Variants in DNAH5 observed in about 807,000 individuals in gnomAD.
DNAH5 encodes the protein dynein axonemal heavy chain 5.
A neutral mutation model predicts 518.2 loss-of-function variants in DNAH5; 372 were observed. The observed-to-expected ratio is 0.72, with a 90% CI of 0.66 to 0.78. The LOEUF is 0.78. DNAH5 is among the 30% of genes least tolerant of loss of function. The pLI is 0.00. For missense variants in DNAH5, 5,523 were observed against 5,687.0 expected (o/e 0.97, Z 0.93); for synonymous variants, 2,039 against 2,025.9 (o/e 1.01, Z -0.17).
At chr5:14,000,146 G>A (rs895233575) in intron 1 of DNAH5, among the ~76,000 whole-genome samples, 5 of 152,074 alleles carry the variant, frequency 3.3e-5, no homozygotes, top group African/African-American at 4.8e-5. Flanking sequence ...GTTAAGATGA[G>A]GTCACTAGGG....
intron 30 of DNAH5, among the ~76,000 whole-genome samples, chr5:13,859,066 T>C (rs972022928): frequency 7.5e-5 from 11 of 146,686 alleles, no homozygotes; most frequent in African/African-American, 2.5e-4. Context: ...TTGTATAGTA[T>C]GCATTACTTT....
intron 1 of DNAH5, among the ~76,000 whole-genome samples, chr5:13,967,549 A>C (rs1316344304): frequency 2.0e-5 from 3 of 152,280 alleles, no homozygotes; most frequent in Non-Finnish European, 4.4e-5. Flanking sequence ...CTATTTTTAC[A>C]CCAGTACCAT....
At chr5:13,988,995 G>A (rs1266437122) in intron 1 of DNAH5, among the ~76,000 whole-genome samples, 1 of 152,040 alleles carries the variant, frequency 6.6e-6, no homozygotes, top group Non-Finnish European at 1.5e-5. Flanking sequence ...CCAAAATGCT[G>A]GGATTACAGG....
intron 61 of DNAH5, among the ~76,000 whole-genome samples, chr5:13,754,907 C>A (rs1048723494): frequency 2.0e-5 from 3 of 151,704 alleles, no homozygotes; most frequent in African/African-American, 7.3e-5. Context: ...TGGAAGGCTG[C>A]GAGGTGGGCG....
intron 22 of DNAH5, among the ~76,000 whole-genome samples, chr5:13,873,477 C>T (rs1003210296): frequency 5.3e-5 from 8 of 151,850 alleles, no homozygotes; most frequent in African/African-American, 1.5e-4. Flanking sequence ...CAAAACAGGA[C>T]GATTTTCAGG....
In DNAH5 at chr5:13,856,877, G is replaced by A. The variant is rs550016615; in HGVS notation, c.4950+2575C>T. Among the ~76,000 whole-genome samples the A allele has an allele frequency of 4.2e-4, 64 of 152,090 alleles. 1 individual carries two copies. The highest frequency in any genetic ancestry group is 1.4e-3 in the African/African-American group (60 of 41,518). On this transcript the variant is annotated intron_variant, in intron 30 of 78. Transcript: ENST00000265104. ...AAACACAACTCAAAATAATAAGAGC[G>A]ATTTATGACAAATCCACAGCCAATA... is the stretch of plus-strand genomic sequence containing the variant.
At chr5:13,852,919 G>A (rs571587609) in intron 30 of DNAH5, among the ~76,000 whole-genome samples, 1 of 152,240 alleles carries the variant, frequency 6.6e-6, no homozygotes, top group Non-Finnish European at 1.5e-5. Context: ...AGCGCCTGGG[G>A]GAAGGGGCAG....
chr5:13,726,851 T>G (rs1394612864), intron 70 of DNAH5, among the ~76,000 whole-genome samples: 5 of 152,126 alleles, frequency 3.3e-5, no homozygotes, highest in African/African-American at 4.8e-5. Flanking sequence ...CCTTAAGGAG[T>G]CAACCTGGGC....
At chr5:13,893,454 G>A (rs2151951989) in intron 16 of DNAH5, among the ~76,000 whole-genome samples, 1 of 152,196 alleles carries the variant, frequency 6.6e-6, no homozygotes, top group East Asian at 1.9e-4. Flanking sequence ...ACCCAGCTGA[G>A]AATAACACAA....
chr5:13,992,337 A>G lies in DNAH5; in HGVS notation c.12+19311T>C, dbSNP rs187637258. On this transcript the variant is annotated intron_variant, in intron 1 of 78. Coordinates refer to the DNAH5 transcript ENST00000681290. ...CGCCCCAGATCACTCACAAAATCCC[A>G]CAAATCACATTTAAGAAATTCAGAA... 4.5e-4 allele frequency among the ~76,000 whole-genome samples: 68 copies of G among 152,322 alleles called. 1 individual carries two copies. The East Asian group carries it at 0.012, about 26-fold the overall frequency.
chr5:13,733,720 T>C (rs78874014), intron 68 of DNAH5, among the ~76,000 whole-genome samples: 1,621 of 152,050 alleles, frequency 0.011, 22 homozygotes, highest in African/African-American at 0.036. Flanking sequence ...CACACACACA[T>C]ATGCATATGT....
chr5:13,890,726 A>G (rs1028516827), intron 17 of DNAH5, among the ~76,000 whole-genome samples: 1 of 152,216 alleles, frequency 6.6e-6, no homozygotes, highest in South Asian at 2.1e-4. Context: ...AAAAATTCCA[A>G]GTGTGTTCTA....
At position 13,816,455 on chromosome 5, in the gene DNAH5, A is replaced by C. The variant is rs182912772; in HGVS notation, c.6988+1093T>G. Among the ~76,000 whole-genome samples, 4 of 152,096 alleles carry C rather than the reference A, an allele frequency of 2.6e-5. No individual in the cohort carries two copies. The East Asian group carries it at 7.7e-4, about 29-fold the overall frequency. ...ATAAAATGCTTTGAAAATCCTAATC[A>C]AGTTCATTCAACTAGCAATTCAAGT... On this transcript the variant is annotated intron_variant, in intron 42 of 78. Coordinates refer to ENST00000265104, the MANE Select transcript of DNAH5 (RefSeq NM_001369.3).
chr5:13,706,661 C>T (rs1742826418), intron 76 of DNAH5, among the ~76,000 whole-genome samples: 2 of 152,192 alleles, frequency 1.3e-5, no homozygotes, highest in South Asian at 4.1e-4. Flanking sequence ...CTTCAAATGT[C>T]CTCTACTAAA....
chr5:13,896,306 G>A (rs908918140), intron 15 of DNAH5, among the ~76,000 whole-genome samples: 1 of 151,570 alleles, frequency 6.6e-6, no homozygotes, highest in African/African-American at 2.4e-5. Context: ...TTACTTCTCT[G>A]ATCTCATCTC....
intron 1 of DNAH5, among the ~76,000 whole-genome samples, chr5:14,002,852 T>C (rs1434503818): frequency 2.6e-5 from 4 of 151,844 alleles, no homozygotes; most frequent in Non-Finnish European, 5.9e-5. Context: ...TATATTTATG[T>C]TTGTTCAGAA....
At chr5:13,982,324 G>A (rs1782731069) in intron 1 of DNAH5, among the ~76,000 whole-genome samples, 1 of 152,260 alleles carries the variant, frequency 6.6e-6, no homozygotes, top group African/African-American at 2.4e-5. Flanking sequence ...CAGCCTTTCA[G>A]TATGTGCATA....
intron 1 of DNAH5, among the ~76,000 whole-genome samples, chr5:13,995,908 C>T (rs1262492031): frequency 1.3e-5 from 2 of 152,162 alleles, no homozygotes; most frequent in Non-Finnish European, 2.9e-5. Flanking sequence ...CAGAGAGATG[C>T]ATGGCTCTTT....
At chr5:13,809,442 A>G (rs1760236778) in intron 45 of DNAH5, among the ~76,000 whole-genome samples, 1 of 152,232 alleles carries the variant, frequency 6.6e-6, no homozygotes, top group South Asian at 2.1e-4. Context: ...ATTAGTTTTC[A>G]ATAGCATGAA....
Sources: allele counts gnomAD v4.1 joint callset (sites outside exome capture counted in the v4.1 genomes callset), GRCh38; gene constraint gnomAD v4.1.1; transcripts MANE v1.5; gene names NCBI Gene and HGNC (gene_info 2026-07-23, HGNC 2026-07-21).